Variants in SRGAP3 observed in about 807,000 individuals in gnomAD.
SRGAP3 encodes the protein SLIT-ROBO Rho GTPase-activating protein 3.
A neutral mutation model predicts 121.1 loss-of-function variants in SRGAP3; 39 were observed. The ratio of observed to expected loss-of-function variants is 0.32; its 90% CI spans 0.25 to 0.42. SRGAP3 has a LOEUF of 0.42. SRGAP3 is among the 10% of genes least tolerant of loss of function. The pLI, the probability that SRGAP3 is intolerant of heterozygous loss-of-function variation, is 1.00. For missense variants in SRGAP3, 1,213 were observed against 1,470.6 expected (o/e 0.82, Z 2.86); for synonymous variants, 601 against 570.0 (o/e 1.05, Z -0.77).
chr3:9,146,929 A>G (rs1401506268), intron 1 of SRGAP3, among the ~76,000 whole-genome samples: 2 of 152,158 alleles, frequency 1.3e-5, no homozygotes, highest in Non-Finnish European at 2.9e-5. Flanking sequence ...CTGTGATGCA[A>G]TGTAGGCTAT....
At chr3:9,248,494 TA>T (rs569427194) in intron 1 of SRGAP3, among the ~76,000 whole-genome samples, 1 of 151,858 alleles carries the variant, frequency 6.6e-6, no homozygotes, top group East Asian at 1.9e-4. Flanking sequence ...GAGCAGATGG[TA>T]AAAAAATACC....
chr3:9,124,140 G>A (rs1949129351), intron 2 of SRGAP3, among the ~76,000 whole-genome samples: 1 of 152,184 alleles, frequency 6.6e-6, no homozygotes, highest in South Asian at 2.1e-4. Context: ...GAGCCTCCAT[G>A]ATCTCAGAGC....
chr3:9,033,368 G>A (rs908809522), intron 11 of SRGAP3: 1 of 153,986 alleles, frequency 6.5e-6, no homozygotes, highest in Non-Finnish European at 1.4e-5. Context: ...GTGACCCCAG[G>A]ATAATGGTAA....
chr3:9,046,383 G>A (rs1230705502), intron 10 of SRGAP3, among the ~76,000 whole-genome samples: 6 of 152,224 alleles, frequency 3.9e-5, no homozygotes, highest in African/African-American at 1.4e-4. Context: ...AGATGCAAAG[G>A]CCCTGGGGCA....
intron 4 of SRGAP3, among the ~76,000 whole-genome samples, chr3:9,067,995 C>CG (rs1273406313): frequency 5.3e-5 from 8 of 152,250 alleles, no homozygotes; most frequent in Non-Finnish European, 1.0e-4. Context: ...ACGCCTGCTG[C>CG]GGCTGTCTCC....
intron 3 of SRGAP3, among the ~76,000 whole-genome samples, chr3:9,317,469 A>T (rs749489875): frequency 1.3e-5 from 2 of 152,164 alleles, no homozygotes; most frequent in East Asian, 3.9e-4. Context: ...TAGATCCTCA[A>T]TGAAACTGGG....
chr3:9,350,991 G>A (rs1212853856), intron 1 of SRGAP3, among the ~76,000 whole-genome samples: 6 of 152,136 alleles, frequency 3.9e-5, no homozygotes, highest in African/African-American at 1.4e-4. Context: ...GTAGTCAGAT[G>A]GTGGGCTCTG....
At chr3:9,299,504 C>G (rs970671266) in intron 3 of SRGAP3, among the ~76,000 whole-genome samples, 1 of 152,216 alleles carries the variant, frequency 6.6e-6, no homozygotes, top group Non-Finnish European at 1.5e-5. Context: ...CCCAGCCAAC[C>G]CACAGAATCA....
chr3:9,020,685 T>C (rs1260790355), intron 14 of SRGAP3, among the ~76,000 whole-genome samples: 2 of 152,172 alleles, frequency 1.3e-5, no homozygotes, highest in Non-Finnish European at 2.9e-5. Context: ...GCCCAAACAT[T>C]CTTTTCAATT....
intron 18 of SRGAP3, 113 bp from the exon 19 acceptor site, chr3:8,994,636 A>G (rs1942278370): frequency 4.3e-6 from 6 of 1,395,652 alleles, no homozygotes; most frequent in East Asian, 2.3e-5. Flanking sequence ...ACAGCTGGTG[A>G]GAACATGGAC....
intron 21 of SRGAP3, among the ~76,000 whole-genome samples, chr3:8,987,428 T>TA (rs1382821428): frequency 4.0e-5 from 6 of 150,770 alleles, no homozygotes; most frequent in African/African-American, 1.5e-4. Flanking sequence ...CTAAAAAAAA[T>TA]AAATAAAAAG....
At chr3:9,271,848 C>T (rs1478366302) in intron 3 of SRGAP3, among the ~76,000 whole-genome samples, 2 of 152,208 alleles carry the variant, frequency 1.3e-5, no homozygotes, top group Non-Finnish European at 2.9e-5. Flanking sequence ...TACCCTGCAC[C>T]TATCTCTATC....
intron 2 of SRGAP3, among the ~76,000 whole-genome samples, chr3:9,121,257 T>C (rs925895897): frequency 1.3e-5 from 2 of 152,190 alleles, no homozygotes; most frequent in African/African-American, 4.8e-5. Context: ...TGACAAGTCC[T>C]GGGCTCTGCC....
chr3:8,980,788 G>T lies in SRGAP3; in HGVS notation c.*4731C>A, dbSNP rs1353118472. On this transcript the variant is annotated 3_prime_UTR_variant, in exon 22 of 22. Coordinates refer to ENST00000383836, the MANE Select transcript of SRGAP3 (RefSeq NM_014850.4). ...AGGCAACCAGCAATTTCCTAGGGTG[G>T]TTTTGGTCTGTTTTTCCTGTCACAA... 4.3e-6 allele frequency: 1 copy of T among 232,626 alleles called. No individual in the cohort carries two copies. The highest frequency in any genetic ancestry group is 8.5e-6 in the Non-Finnish European group (1 of 117,494). The allele number at this position is 232,626 out of a possible 1,614,324, so 14.4% of individuals were successfully genotyped here. A position where few individuals can be genotyped will look rare whatever the true frequency, so the allele number is the denominator to read the frequency against.
chr3:9,244,383 G>A (rs1333380712), intron 1 of SRGAP3, among the ~76,000 whole-genome samples: 1 of 151,668 alleles, frequency 6.6e-6, no homozygotes, highest in African/African-American at 2.4e-5. Flanking sequence ...CTCCATACCT[G>A]CCCTTCTTCC....
At chr3:9,326,720 T>C (rs1955525972) in intron 2 of SRGAP3, among the ~76,000 whole-genome samples, 2 of 151,844 alleles carry the variant, frequency 1.3e-5, no homozygotes, top group Non-Finnish European at 2.9e-5. Context: ...ATTTAAACAA[T>C]TTTAGTATTG....
intron 2 of SRGAP3, among the ~76,000 whole-genome samples, chr3:9,124,087 G>A (rs972391324): frequency 3.3e-5 from 5 of 152,150 alleles, no homozygotes; most frequent in Non-Finnish European, 5.9e-5. Context: ...AGGTTTTGTA[G>A]CTGGAGGATT....
At chr3:9,085,334 C>T (rs963394692) in intron 3 of SRGAP3, among the ~76,000 whole-genome samples, 3 of 152,202 alleles carry the variant, frequency 2.0e-5, no homozygotes, top group African/African-American at 7.2e-5. Flanking sequence ...ATTCCATCTT[C>T]AGAACTCCCT....
chr3:9,152,290 C>A (rs1481034724), intron 1 of SRGAP3, among the ~76,000 whole-genome samples: 3 of 152,208 alleles, frequency 2.0e-5, no homozygotes, highest in Non-Finnish European at 4.4e-5. Context: ...CATGATCCAG[C>A]CCTCTCCCTC....
Sources: allele counts gnomAD v4.1 joint callset (sites outside exome capture counted in the v4.1 genomes callset), GRCh38; gene constraint gnomAD v4.1.1; transcripts MANE v1.5; gene names NCBI Gene and HGNC (gene_info 2026-07-23, HGNC 2026-07-21).